Variants in EVI5 observed in about 807,000 individuals in gnomAD.
The protein encoded by EVI5 is ecotropic viral integration site 5.
Under a neutral mutation model 112.0 loss-of-function variants are expected in EVI5, and 73 were observed. The ratio of observed to expected loss-of-function variants is 0.65; its 90% CI spans 0.54 to 0.79. The LOEUF (loss-of-function observed/expected upper bound fraction) is 0.79. Ranked by LOEUF, EVI5 falls within the 30% of genes least tolerant of loss-of-function variation. The probability of loss-of-function intolerance (pLI) is 0.00; values close to 1 mark genes in which losing one functional copy is unlikely to be tolerated. For synonymous variants in EVI5, 305 were observed against 319.9 expected (o/e 0.95, Z 0.50); for missense variants, 900 against 968.8 (o/e 0.93, Z 0.94).
intron 1 of EVI5, among the ~76,000 whole-genome samples, chr1:92,773,483 C>T (rs556271554): frequency 6.6e-6 from 1 of 152,038 alleles, no homozygotes; most frequent in South Asian, 2.1e-4. Flanking sequence ...AGAGCAAGAC[C>T]CCCAAAAATT....
At chr1:92,771,686 A>T (rs1281846914) in intron 1 of EVI5, among the ~76,000 whole-genome samples, 2 of 150,064 alleles carry the variant, frequency 1.3e-5, no homozygotes, top group African/African-American at 2.5e-5. Flanking sequence ...GGCTCACCAC[A>T]ATCTCCACCT....
At chr1:92,640,871 C>CA (rs1391190694) in intron 13 of EVI5, among the ~76,000 whole-genome samples, 1 of 152,148 alleles carries the variant, frequency 6.6e-6, no homozygotes, top group East Asian at 1.9e-4. Flanking sequence ...AAATGTGGTA[C>CA]ATAAACACCA....
chr1:92,706,431 T>C (rs1240420361), intron 2 of EVI5, among the ~76,000 whole-genome samples: 1 of 152,224 alleles, frequency 6.6e-6, no homozygotes, highest in Non-Finnish European at 1.5e-5. Context: ...ACCTGAATCC[T>C]AGTTATTTGC....
rs1180768577 is a variant in EVI5, at chr1:92,608,705, G to GA, written c.1828-979dup. Among the ~76,000 whole-genome samples the GA allele has an allele frequency of 1.2e-4, 8 of 65,562 alleles. No homozygotes were observed. The South Asian group carries it at 3.8e-3, about 31-fold the overall frequency. 43.0% of individuals were successfully genotyped at this position (65,562 alleles called of 152,430 possible). On this transcript the variant is annotated intron_variant, in intron 16 of 19. Transcript: ENST00000684568. Reference sequence around the variant, plus strand: ...GGTGACAAGAAGACTCTGTCTCAGAGAAAAAAAAAGGAAAGGAAAAAAAAA... The same window carrying GA: ...GGTGACAAGAAGACTCTGTCTCAGAGAAAAAAAAAAGGAAAGGAAAAAAAAA...
intron 19 of EVI5, among the ~76,000 whole-genome samples, chr1:92,553,259 T>C (rs1368259885): frequency 3.3e-5 from 5 of 150,192 alleles, no homozygotes; most frequent in Admixed American, 1.3e-4. Context: ...GCCTCCCAAG[T>C]AGCTGGAACT....
At chr1:92,633,163 G>A (rs920412184) in intron 14 of EVI5, among the ~76,000 whole-genome samples, 19 of 152,208 alleles carry the variant, frequency 1.2e-4, no homozygotes, top group African/African-American at 4.6e-4. Flanking sequence ...ATTTGGGGTG[G>A]AGAGTTCTGT....
At chr1:92,703,314 T>A in intron 4 of EVI5, 81 bp downstream of exon 4, 1 of 827,100 alleles carries the variant, frequency 1.2e-6, no homozygotes, top group Non-Finnish European at 1.9e-6. Context: ...TGGTGGGAGG[T>A]CATGCTTCAT....
intron 1 of EVI5, among the ~76,000 whole-genome samples, chr1:92,775,962 G>C (rs1379543281): frequency 6.6e-6 from 1 of 152,062 alleles, no homozygotes; most frequent in Non-Finnish European, 1.5e-5. Context: ...TCAAAAATTA[G>C]CCAGGCGTGG....
intron 1 of EVI5, among the ~76,000 whole-genome samples, chr1:92,766,126 TAA>T (rs1558227158): frequency 6.8e-6 from 1 of 146,530 alleles, no homozygotes; most frequent in Non-Finnish European, 1.5e-5. Context: ...ATAATAATAA[TAA>T]TAATAATAAT....
In EVI5 at chr1:92,626,616, G is replaced by A. The variant is rs369960956; in HGVS notation, c.1528-682C>T. ...GAAACTGCCAAACTTTTCCAAAGCA[G>A]CTGTACTGCTTTTCATTTTCACTAG... On this transcript the variant is annotated intron_variant, in intron 14 of 19. Coordinates refer to ENST00000684568, the MANE Select transcript of EVI5 (RefSeq NM_001350197.2). Among the ~76,000 whole-genome samples the A allele has an allele frequency of 3.5e-4, 53 of 152,260 alleles. 1 individual carries two copies. The highest frequency in any genetic ancestry group is 1.2e-3 in the African/African-American group (49 of 41,544).
At chr1:92,664,563 AAAC>A (rs999173343) in intron 11 of EVI5, among the ~76,000 whole-genome samples, 5 of 152,064 alleles carry the variant, frequency 3.3e-5, no homozygotes, top group African/African-American at 1.2e-4. Context: ...TATATAATTA[AAAC>A]AACTTAAAAG....
At chr1:92,655,430 C>T (rs930937014) in intron 13 of EVI5, among the ~76,000 whole-genome samples, 2 of 151,976 alleles carry the variant, frequency 1.3e-5, no homozygotes, top group African/African-American at 4.8e-5. Context: ...CAAGCAAATG[C>T]TAACAGAATT....
intron 1 of EVI5, among the ~76,000 whole-genome samples, chr1:92,754,885 T>C (rs140237905): frequency 6.6e-6 from 1 of 152,172 alleles, no homozygotes; most frequent in Non-Finnish European, 1.5e-5. Context: ...AATGACCTCA[T>C]GTGACATATT....
At chr1:92,741,431 T>C (rs1382096908) in intron 1 of EVI5, among the ~76,000 whole-genome samples, 1 of 152,220 alleles carries the variant, frequency 6.6e-6, no homozygotes, top group African/African-American at 2.4e-5. Flanking sequence ...CCTACCACAA[T>C]GACCTTTATT....
chr1:92,733,042 G>A (rs997364543), intron 2 of EVI5: 54 of 170,920 alleles, frequency 3.2e-4, no homozygotes, highest in African/African-American at 9.3e-4. Flanking sequence ...GTGAGACCTC[G>A]TCTCCATTTT....
intron 1 of EVI5, among the ~76,000 whole-genome samples, chr1:92,775,870 A>G (rs1293481246): frequency 6.6e-6 from 1 of 152,170 alleles, no homozygotes; most frequent in Non-Finnish European, 1.5e-5. Flanking sequence ...GCACTTTGGG[A>G]GGCCGAGGCA....
chr1:92,564,552 A>G (rs1303147385), intron 18 of EVI5, among the ~76,000 whole-genome samples: 1 of 152,222 alleles, frequency 6.6e-6, no homozygotes, highest in Non-Finnish European at 1.5e-5. Flanking sequence ...GCTGATTAAA[A>G]GCTGCTTCTG....
At position 92,636,375 on chromosome 1, in the gene EVI5, A is replaced by G. The variant is rs752264761; in HGVS notation, c.1393-39T>C. The G allele has an allele frequency of 3.9e-6, 6 of 1,558,118 alleles. No individual in the cohort carries two copies. In the South Asian group the frequency reaches 5.6e-5, roughly 15 times the overall value. On this transcript the variant is annotated intron_variant, in intron 13 of 19. Coordinates refer to ENST00000684568, the MANE Select transcript of EVI5 (RefSeq NM_001350197.2). ...ACATACACTGAAATTTCATGAAAGT[A>G]TAAACATGTATATACAATAAAAACA...
chr1:92,676,492 TATC>T (rs1449666462), intron 10 of EVI5, among the ~76,000 whole-genome samples: 1 of 152,160 alleles, frequency 6.6e-6, no homozygotes, highest in East Asian at 1.9e-4. Context: ...TGCTTCCACT[TATC>T]AACGCCATCC....
Sources: gnomAD v4.1 joint callset for allele counts (sites outside exome capture counted in the v4.1 genomes callset) on GRCh38, gnomAD v4.1.1 for gene constraint, MANE v1.5 for transcripts, NCBI Gene and HGNC (gene_info 2026-07-23, HGNC 2026-07-21) for gene names.